Variants in OPCML observed in about 807,000 individuals in gnomAD.
OPCML encodes the protein opioid binding protein/cell adhesion molecule like, also known as opioid-binding protein/cell adhesion molecule.
Under a neutral mutation model 37.8 loss-of-function variants are expected in OPCML, and 13 were observed. The ratio of observed to expected loss-of-function variants is 0.34; its 90% CI spans 0.22 to 0.55. OPCML has a LOEUF of 0.55. Ranked by LOEUF, OPCML falls within the 20% of genes least tolerant of loss-of-function variation. OPCML has a pLI of 0.91. For synonymous variants in OPCML, 176 were observed against 168.8 expected (o/e 1.04, Z -0.33); for missense variants, 341 against 435.6 (o/e 0.78, Z 1.93).
At chr11:133,396,236 C>A (rs768609821) in intron 1 of OPCML, among the ~76,000 whole-genome samples, 1 of 151,852 alleles carries the variant, frequency 6.6e-6, no homozygotes, top group African/African-American at 2.4e-5. Flanking sequence ...TTGTATCCTG[C>A]AAATAAATTA....
intron 1 of OPCML, among the ~76,000 whole-genome samples, chr11:133,330,333 T>C: frequency 6.6e-6 from 1 of 152,242 alleles, no homozygotes; most frequent in Non-Finnish European, 1.5e-5. Flanking sequence ...ATCCTATTAC[T>C]GGGTGTATAC....
intron 4 of OPCML, among the ~76,000 whole-genome samples, chr11:132,470,684 T>A (rs1298288312): frequency 6.6e-6 from 1 of 152,176 alleles, no homozygotes; most frequent in Non-Finnish European, 1.5e-5. Flanking sequence ...ATCATTAGCA[T>A]CCTAACTACA....
intron 1 of OPCML, among the ~76,000 whole-genome samples, chr11:133,451,782 C>T (rs909821811): frequency 6.6e-6 from 1 of 151,116 alleles, no homozygotes; most frequent in Non-Finnish European, 1.5e-5. Context: ...GTGGAGGTTG[C>T]AGTGAGCTGA....
At chr11:133,355,443 G>T (rs1944261900) in intron 1 of OPCML, among the ~76,000 whole-genome samples, 1 of 152,182 alleles carries the variant, frequency 6.6e-6, no homozygotes, top group Admixed American at 6.5e-5. Context: ...AGTCATCCAT[G>T]AACTAAATCT....
chr11:133,321,177 C>A (rs1943321437), intron 1 of OPCML, among the ~76,000 whole-genome samples: 1 of 151,944 alleles, frequency 6.6e-6, no homozygotes, highest in Non-Finnish European at 1.5e-5. Context: ...TTAAAAAAAA[C>A]AAAACCCATA....
chr11:133,104,377 C>T (rs895030236), intron 1 of OPCML, among the ~76,000 whole-genome samples: 1 of 152,186 alleles, frequency 6.6e-6, no homozygotes, highest in Admixed American at 6.5e-5. Flanking sequence ...CTCACCCAAG[C>T]ATCCAAATGT....
chr11:133,187,619 A>C (rs1179010732), intron 1 of OPCML, among the ~76,000 whole-genome samples: 2 of 152,118 alleles, frequency 1.3e-5, no homozygotes, highest in African/African-American at 2.4e-5. Flanking sequence ...AGCACTAAAC[A>C]GTTAAAAGAG....
chr11:132,654,422 T>C (rs1296135527), intron 3 of OPCML, among the ~76,000 whole-genome samples: 1 of 151,154 alleles, frequency 6.6e-6, no homozygotes, highest in Non-Finnish European at 1.5e-5. Context: ...GAGAATGTCC[T>C]CCCCAAAGGA....
At chr11:133,006,210 G>A (rs2136862152) in intron 1 of OPCML, 1 of 766,370 alleles carries the variant, frequency 1.3e-6, no homozygotes, top group African/African-American at 1.9e-5. Flanking sequence ...GAGGAGCCTG[G>A]CCCCTCGTCT....
intron 1 of OPCML, among the ~76,000 whole-genome samples, chr11:133,047,560 C>T (rs1026558946): frequency 3.3e-5 from 5 of 152,166 alleles, no homozygotes; most frequent in Non-Finnish European, 5.9e-5. Context: ...GATGGCACTG[C>T]GGCCCACGTG....
In OPCML at chr11:133,289,399, T is replaced by C. The variant is rs1019707446; in HGVS notation, c.61+242865A>G. 1.2e-3 allele frequency among the ~76,000 whole-genome samples: 181 copies of C among 151,636 alleles called. 2 individuals carry two copies. The highest frequency in any genetic ancestry group is 4.3e-3 in the African/African-American group (176 of 41,322). Reference sequence around the variant, plus strand: ...TCACGAGGTCAGGAGATCGAGACCATCCCGGCTAAAACGGTGAAACCCCGT... The same window carrying C: ...TCACGAGGTCAGGAGATCGAGACCACCCCGGCTAAAACGGTGAAACCCCGT... On this transcript the variant is annotated intron_variant, in intron 1 of 7. Transcript: ENST00000524381.
chr11:133,288,311 G>A (rs372466296), intron 1 of OPCML, among the ~76,000 whole-genome samples: 8 of 152,308 alleles, frequency 5.3e-5, no homozygotes, highest in African/African-American at 1.9e-4. Flanking sequence ...ATGCTGGCCT[G>A]GAGGTATTCC....
intron 1 of OPCML, among the ~76,000 whole-genome samples, chr11:133,433,396 G>C (rs1946167613): frequency 6.6e-6 from 1 of 151,864 alleles, no homozygotes; most frequent in Non-Finnish European, 1.5e-5. Flanking sequence ...CCCAGTTGTA[G>C]TTTTCAAAGT....
At chr11:133,346,141 A>G (rs1032472310) in intron 1 of OPCML, among the ~76,000 whole-genome samples, 6 of 152,234 alleles carry the variant, frequency 3.9e-5, no homozygotes, top group Admixed American at 3.9e-4. Context: ...AATTTGGCAT[A>G]CACTCTTAAT....
chr11:133,207,828 A>G (rs1196681405), intron 1 of OPCML, among the ~76,000 whole-genome samples: 1 of 152,034 alleles, frequency 6.6e-6, no homozygotes, highest in Non-Finnish European at 1.5e-5. Flanking sequence ...AGAGGACCAG[A>G]CATCCCTGTG....
chr11:133,282,875 G>C (rs1448782648), intron 1 of OPCML, among the ~76,000 whole-genome samples: 1 of 152,196 alleles, frequency 6.6e-6, no homozygotes, highest in African/African-American at 2.4e-5. Flanking sequence ...AATGGCTGCT[G>C]AGTTTGAGAC....
chr11:133,042,787 C>T (rs1392358559), intron 1 of OPCML, among the ~76,000 whole-genome samples: 1 of 152,110 alleles, frequency 6.6e-6, no homozygotes, highest in African/African-American at 2.4e-5. Flanking sequence ...CTCAGCTACT[C>T]GCTGAAGCAA....
At chr11:133,222,437 G>C (rs879421769) in intron 1 of OPCML, among the ~76,000 whole-genome samples, 3 of 152,192 alleles carry the variant, frequency 2.0e-5, no homozygotes, top group African/African-American at 2.4e-5. Flanking sequence ...GGAAGGGGAT[G>C]ACACATGCTG....
intron 4 of OPCML, among the ~76,000 whole-genome samples, chr11:132,459,524 TAC>T (rs925978703): frequency 6.8e-6 from 1 of 148,066 alleles, no homozygotes; most frequent in African/African-American, 2.5e-5. Flanking sequence ...TATATATATA[TAC>T]ACACATATAC....
Sources: gnomAD v4.1 joint callset for allele counts (sites outside exome capture counted in the v4.1 genomes callset) on GRCh38, gnomAD v4.1.1 for gene constraint, MANE v1.5 for transcripts, NCBI Gene and HGNC (gene_info 2026-07-23, HGNC 2026-07-21) for gene names.